Variants in PDCL2 observed in about 807,000 individuals in gnomAD.
The protein encoded by PDCL2 is phosducin-like protein 2.
Under a neutral mutation model 30.3 loss-of-function variants are expected in PDCL2, and 23 were observed. The ratio of observed to expected loss-of-function variants is 0.76; its 90% CI spans 0.55 to 1.08. The LOEUF (loss-of-function observed/expected upper bound fraction) is 1.08, where lower values mean the gene tolerates loss of function less well. Ranked by LOEUF, PDCL2 falls within the 50% of genes least tolerant of loss-of-function variation. The pLI is 0.00. For missense variants in PDCL2, 243 were observed against 282.3 expected, an observed-to-expected ratio of 0.86 and a Z score of 1.00; for synonymous variants, 68 against 86.2, an observed-to-expected ratio of 0.79 and a Z score of 1.17.
intron 4 of PDCL2, among the ~76,000 whole-genome samples, chr4:55,564,000 A>G (rs1732199811): frequency 6.6e-6 from 1 of 152,228 alleles, no homozygotes; most frequent in Non-Finnish European, 1.5e-5. Context: ...GATTTTCTCT[A>G]CAGTTGCAAA....
intron 1 of PDCL2, among the ~76,000 whole-genome samples, chr4:55,585,439 A>T (rs2110168189): frequency 6.6e-6 from 1 of 152,214 alleles, no homozygotes; most frequent in East Asian, 1.9e-4. Context: ...GAGGCAGGAG[A>T]ATCACTTGAA....
chr4:55,569,865 A>C lies in PDCL2; in HGVS notation c.219-4T>G, dbSNP rs1406601484. The C allele has an allele frequency of 2.0e-6, 3 of 1,487,892 alleles. No homozygotes were observed. Among genetic ancestry groups the C allele is most frequent in the East Asian group, 4.7e-5 (2 of 42,518 alleles). The allele number at this position is 1,487,892 out of a possible 1,614,324, so 92.2% of individuals were successfully genotyped here. A position where few individuals can be genotyped will look rare whatever the true frequency, so the allele number is the denominator to read the frequency against. On this transcript the variant is annotated splice_polypyrimidine_tract_variant and splice_region_variant and intron_variant, in intron 3 of 5. Coordinates refer to ENST00000295645, the MANE Select transcript of PDCL2 (RefSeq NM_152401.3). ...CCATTCCTGTAACCGCTTCTTTCTAATTAAAACATGAAATTAAATTACATA... is the reference window on the plus strand; with the variant it reads ...CCATTCCTGTAACCGCTTCTTTCTACTTAAAACATGAAATTAAATTACATA...
intron 1 of PDCL2, 79 bp from the exon 2 acceptor site, chr4:55,582,316 C>A: frequency 7.2e-7 from 1 of 1,396,408 alleles, no homozygotes; most frequent in South Asian, 1.5e-5. Context: ...TAAGATGTAG[C>A]ACTTCCAAGT....
intron 5 of PDCL2, among the ~76,000 whole-genome samples, chr4:55,561,337 G>T (rs528951184): frequency 6.6e-6 from 1 of 151,976 alleles, no homozygotes; most frequent in African/African-American, 2.4e-5. Flanking sequence ...TGAGGCGGGC[G>T]GATCTCCTGA....
chr4:55,577,388 A>G (rs983531757), intron 3 of PDCL2, among the ~76,000 whole-genome samples: 1 of 152,194 alleles, frequency 6.6e-6, no homozygotes, highest in East Asian at 1.9e-4. Context: ...TGGAGGTTTC[A>G]TTAGATAGGC....
chr4:55,584,250 G>GTTGTT (rs148148679), intron 1 of PDCL2, among the ~76,000 whole-genome samples: 112,820 of 149,918 alleles, frequency 0.75, 42,826 homozygotes, highest in East Asian at 0.9. Context: ...TTTTGTTGTT[G>GTTGTT]TTGTTTTGTT....
chr4:55,582,651 C>A (rs1390827149), intron 1 of PDCL2, among the ~76,000 whole-genome samples: 2 of 152,026 alleles, frequency 1.3e-5, no homozygotes, highest in African/African-American at 2.4e-5. Flanking sequence ...TACATGTGCA[C>A]AATGTGCAGG....
At chr4:55,562,299 A>G (rs1212357088) in intron 5 of PDCL2, 105 bp downstream of exon 5, 1 of 647,828 alleles carries the variant, frequency 1.5e-6, no homozygotes, top group Admixed American at 4.1e-5. Context: ...AAGAGACTAG[A>G]AGCAAGGAAA....
chr4:55,570,773 T>C (rs1732401616), intron 3 of PDCL2, among the ~76,000 whole-genome samples: 1 of 152,238 alleles, frequency 6.6e-6, no homozygotes. Flanking sequence ...CCTGGATTCA[T>C]GAAGCAAATC....
chr4:55,588,819 A>G (rs779731689), intron 1 of PDCL2, among the ~76,000 whole-genome samples: 16 of 150,996 alleles, frequency 1.1e-4, no homozygotes, highest in Non-Finnish European at 2.2e-4. Context: ...AAGGCTTTCT[A>G]TTCTACTCTA....
At chr4:55,562,129 T>A (rs1043932969) in intron 5 of PDCL2, among the ~76,000 whole-genome samples, 1 of 152,268 alleles carries the variant, frequency 6.6e-6, no homozygotes, top group Admixed American at 6.5e-5. Context: ...GAACAGAAAC[T>A]AGCAAGCACT....
intron 5 of PDCL2, 91 bp from the exon 6 acceptor site, chr4:55,556,802 T>C: frequency 9.7e-7 from 1 of 1,028,884 alleles, no homozygotes; most frequent in Non-Finnish European, 1.3e-6. Flanking sequence ...CTTAGTAATA[T>C]TACCATGGAA....
intron 3 of PDCL2, among the ~76,000 whole-genome samples, chr4:55,571,176 C>T (rs1021021198): frequency 6.6e-6 from 1 of 152,080 alleles, no homozygotes; most frequent in Non-Finnish European, 1.5e-5. Flanking sequence ...CCCTGCCTTG[C>T]CATGTGTTTC....
rs538693829 is a variant in PDCL2, at chr4:55,588,888, C to T, written c.6+3216G>A. Among the ~76,000 whole-genome samples, 139 of 145,626 alleles carry T rather than the reference C, an allele frequency of 9.5e-4. 1 individual carries two copies. The highest frequency in any genetic ancestry group is 3.5e-3 in the Middle Eastern group (1 of 284). On this transcript the variant is annotated intron_variant, in intron 1 of 5. Coordinates refer to ENST00000295645, the MANE Select transcript of PDCL2 (RefSeq NM_152401.3). The stretch of plus-strand genomic sequence containing the variant: ...TACTTTTTTTTTTTTTAGAGAGTCT[C>T]GCTCTGTTGCCCAGGCTGGAGTACA...
At chr4:55,584,703 T>G (rs1732815764) in intron 1 of PDCL2, among the ~76,000 whole-genome samples, 1 of 152,212 alleles carries the variant, frequency 6.6e-6, no homozygotes, top group South Asian at 2.1e-4. Context: ...TTTCACTATT[T>G]CCTTACCTGT....
chr4:55,565,344 G>T lies in PDCL2; in HGVS notation c.363-2732C>A, dbSNP rs577560819. On this transcript the variant is annotated intron_variant, in intron 4 of 5. Coordinates refer to ENST00000295645, the MANE Select transcript of PDCL2 (RefSeq NM_152401.3). ...CTAATAAAGACATACCCAAGGCTGG[G>T]TAATTATAAAGGAAAGAGGTTTAAC... Among the ~76,000 whole-genome samples, 3 of 152,256 alleles carry T rather than the reference G, an allele frequency of 2.0e-5. No individual in the cohort carries two copies. In the South Asian group the frequency reaches 6.2e-4, roughly 32 times the overall value.
chr4:55,563,538 G>A (rs2110153755), intron 4 of PDCL2, among the ~76,000 whole-genome samples: 1 of 152,218 alleles, frequency 6.6e-6, no homozygotes, highest in Middle Eastern at 3.4e-3. Flanking sequence ...AAGGTTTTAG[G>A]GGCCAAGGGA....
chr4:55,583,096 C>T (rs1175064229), intron 1 of PDCL2, among the ~76,000 whole-genome samples: 1 of 152,116 alleles, frequency 6.6e-6, no homozygotes, highest in East Asian at 1.9e-4. Flanking sequence ...ATGCCTCAGC[C>T]TCCTGAGTAG....
At chr4:55,557,214 C>T (rs1207164334) in intron 5 of PDCL2, among the ~76,000 whole-genome samples, 1 of 152,202 alleles carries the variant, frequency 6.6e-6, no homozygotes, top group Non-Finnish European at 1.5e-5. Flanking sequence ...CAAAGTTATA[C>T]TGAAAGGGAG....
Sources: allele counts gnomAD v4.1 joint callset (sites outside exome capture counted in the v4.1 genomes callset), GRCh38; gene constraint gnomAD v4.1.1; transcripts MANE v1.5; gene names NCBI Gene and HGNC (gene_info 2026-07-23, HGNC 2026-07-21).